Variants in SCN9A observed in about 807,000 individuals in gnomAD.
SCN9A encodes the protein sodium voltage-gated channel alpha subunit 9.
In SCN9A, 131 loss-of-function variants were observed where a neutral mutation model predicts 187.0. That is an observed-to-expected ratio of 0.70 (90% CI 0.61 to 0.81). The LOEUF (loss-of-function observed/expected upper bound fraction) is 0.81, where lower values mean the gene tolerates loss of function less well. Among genes scored for constraint, SCN9A ranks in the 30% least tolerant of loss-of-function variants. The pLI, the probability that SCN9A is intolerant of heterozygous loss-of-function variation, is 0.00. For synonymous variants in SCN9A, 809 were observed against 808.6 expected, an observed-to-expected ratio of 1.00 and a Z score of -0.01; for missense variants, 2,252 against 2,396.6, an observed-to-expected ratio of 0.94 and a Z score of 1.26.
intron 18 of SCN9A, among the ~76,000 whole-genome samples, chr2:166,246,663 G>A (rs1407840330): frequency 6.6e-6 from 1 of 151,800 alleles, no homozygotes; most frequent in Admixed American, 6.6e-5. Flanking sequence ...TCTTTCTCAG[G>A]GGCAAATTAT....
intron 19 of SCN9A, among the ~76,000 whole-genome samples, chr2:166,240,651 G>A (rs779033849): frequency 2.8e-4 from 43 of 152,240 alleles, no homozygotes; most frequent in Non-Finnish European, 4.7e-4. Context: ...ATGACTCCAG[G>A]TAAGGAAAAT....
intron 1 of SCN9A, among the ~76,000 whole-genome samples, chr2:166,346,148 A>G (rs1699895772): frequency 6.6e-6 from 1 of 152,182 alleles, no homozygotes; most frequent in East Asian, 1.9e-4. Context: ...GTAAACAAGC[A>G]AGAAAACAAG....
chr2:166,299,208 A>AT lies in SCN9A; in HGVS notation c.901+3881dup, dbSNP rs35520642. On this transcript the variant is annotated intron_variant, in intron 7 of 26. Transcript: ENST00000642356. ...AAAACATCCATACAAAAACCCATATATTTTTTTAAATGCCAGCCATTTGCC... is the reference window on the plus strand; with the variant it reads ...AAAACATCCATACAAAAACCCATATATTTTTTTTAAATGCCAGCCATTTGCC... Among the ~76,000 whole-genome samples the AT allele has an allele frequency of 8.1e-4, 123 of 151,370 alleles. 7 individuals carry two copies. The highest frequency in any genetic ancestry group is 2.9e-3 in the African/African-American group (120 of 40,748).
chr2:166,353,986 G>A (rs776553236), intron 1 of SCN9A, among the ~76,000 whole-genome samples: 2 of 152,090 alleles, frequency 1.3e-5, no homozygotes, highest in African/African-American at 2.4e-5. Flanking sequence ...GAAGAAGCAC[G>A]CTATCTAATT....
chr2:166,239,429 T>G (rs990061810), intron 19 of SCN9A, among the ~76,000 whole-genome samples: 1 of 152,178 alleles, frequency 6.6e-6, no homozygotes, highest in Non-Finnish European at 1.5e-5. Context: ...CAGATTCTTC[T>G]TATTCTACGT....
At chr2:166,247,119 A>G (rs1188889715) in intron 18 of SCN9A, among the ~76,000 whole-genome samples, 1 of 137,346 alleles carries the variant, frequency 7.3e-6, no homozygotes, top group Non-Finnish European at 1.5e-5. Flanking sequence ...CATTACATAA[A>G]GTCTATGCTG....
intron 26 of SCN9A, among the ~76,000 whole-genome samples, chr2:166,203,052 T>A (rs573552513): frequency 6.6e-6 from 1 of 151,926 alleles, no homozygotes; most frequent in Non-Finnish European, 1.5e-5. Flanking sequence ...GAATCATTTT[T>A]GTTAGTGTGA....
chr2:166,290,134 T>A (rs542714554), intron 9 of SCN9A, among the ~76,000 whole-genome samples: 1 of 152,140 alleles, frequency 6.6e-6, no homozygotes, highest in South Asian at 2.1e-4. Flanking sequence ...TTCAAATTGT[T>A]CAACTCCCAC....
At chr2:166,311,330 C>CTATATATATATATATATATA (rs10688081) in intron 2 of SCN9A, among the ~76,000 whole-genome samples, 169 bp downstream of exon 2, 3 of 46,718 alleles carry the variant, frequency 6.4e-5, no homozygotes, top group Non-Finnish European at 1.1e-4. Flanking sequence ...TCTGAATATC[C>CTATATATATATATATATATA]TATATATATA....
chr2:166,213,747 A>G (rs1257135019), intron 24 of SCN9A, among the ~76,000 whole-genome samples: 1 of 152,170 alleles, frequency 6.6e-6, no homozygotes, highest in Non-Finnish European at 1.5e-5. Context: ...ATTGTGGAAT[A>G]GGAGGTTTAT....
intron 24 of SCN9A, among the ~76,000 whole-genome samples, chr2:166,209,795 A>G (rs1439158214): frequency 6.6e-6 from 1 of 151,878 alleles, no homozygotes; most frequent in Non-Finnish European, 1.5e-5. Flanking sequence ...ATCATTAAAA[A>G]GTCAGGAAAC....
chr2:166,226,938 C>A (rs1019085178), intron 23 of SCN9A, among the ~76,000 whole-genome samples: 1 of 151,848 alleles, frequency 6.6e-6, no homozygotes, highest in Non-Finnish European at 1.5e-5. Flanking sequence ...ATATAATCTT[C>A]AAATAACTAC....
chr2:166,276,471 C>T (rs1449356540), intron 16 of SCN9A: 1 of 152,080 alleles, frequency 6.6e-6, no homozygotes, highest in Non-Finnish European at 1.5e-5. Flanking sequence ...ATTATTTTAA[C>T]CACTTAAAAA....
intron 18 of SCN9A, among the ~76,000 whole-genome samples, chr2:166,249,540 A>G (rs930632699): frequency 1.3e-5 from 2 of 152,154 alleles, no homozygotes; most frequent in Non-Finnish European, 2.9e-5. Context: ...GATGTGACTC[A>G]GAGATATATG....
chr2:166,375,459 C>CG (rs1700666594), intron 1 of SCN9A, among the ~76,000 whole-genome samples: 3 of 152,192 alleles, frequency 2.0e-5, no homozygotes, highest in Admixed American at 2.0e-4. Flanking sequence ...GAGTCAAAAC[C>CG]GCACAGGAGC....
chr2:166,314,885 A>T (rs897273389), intron 1 of SCN9A, among the ~76,000 whole-genome samples: 1 of 152,230 alleles, frequency 6.6e-6, no homozygotes, highest in Non-Finnish European at 1.5e-5. Context: ...CTAAAACTAC[A>T]TAATGATGAT....
intron 23 of SCN9A, among the ~76,000 whole-genome samples, chr2:166,227,118 T>C (rs1431278977): frequency 6.6e-6 from 1 of 152,138 alleles, no homozygotes. Context: ...CTTTATTATA[T>C]TTTGTAAAAA....
At chr2:166,249,004 A>G (rs988194010) in intron 18 of SCN9A, among the ~76,000 whole-genome samples, 3 of 151,796 alleles carry the variant, frequency 2.0e-5, no homozygotes, top group Admixed American at 1.3e-4. Context: ...CCCATCTTTC[A>G]TTATTCTCCA....
intron 18 of SCN9A, among the ~76,000 whole-genome samples, chr2:166,245,583 G>A (rs1404124031): frequency 1.4e-4 from 22 of 151,894 alleles, no homozygotes; most frequent in Admixed American, 1.4e-3. Context: ...GTTTATTAAA[G>A]CAACTAGAAT....
Sources: allele counts gnomAD v4.1 joint callset (sites outside exome capture counted in the v4.1 genomes callset), GRCh38; gene constraint gnomAD v4.1.1; transcripts MANE v1.5; gene names NCBI Gene and HGNC (gene_info 2026-07-23, HGNC 2026-07-21).